The following DENND5A variants were observed in gnomAD, a reference collection of about 807,000 sequenced individuals.
The protein encoded by DENND5A is DENN domain containing 5A, also known as DENN domain-containing protein 5A.
Under a neutral mutation model 140.3 loss-of-function variants are expected in DENND5A, and 64 were observed. That is an observed-to-expected ratio of 0.46 (90% CI 0.37 to 0.56). The LOEUF (loss-of-function observed/expected upper bound fraction) is 0.56. DENND5A is among the 20% of genes least tolerant of loss of function. The pLI is 0.00. For synonymous variants in DENND5A, 605 were observed against 607.7 expected, an observed-to-expected ratio of 1.00 and a Z score of 0.07; for missense variants, 1,292 against 1,593.8, an observed-to-expected ratio of 0.81 and a Z score of 3.22.
At chr11:9,233,398 CAAAAA>C (rs1001576602) in intron 1 of DENND5A, among the ~76,000 whole-genome samples, 1 of 54,084 alleles carries the variant, frequency 1.8e-5, no homozygotes. Flanking sequence ...GACTCTGTCT[CAAAAA>C]AAAAAAAAAA....
At chr11:9,179,661 G>T (rs140665358) in intron 6 of DENND5A, among the ~76,000 whole-genome samples, 1 of 151,900 alleles carries the variant, frequency 6.6e-6, no homozygotes, top group East Asian at 1.9e-4. Context: ...CACCACGCCC[G>T]GCTAATTTTG....
In DENND5A at chr11:9,206,772, A is replaced by G; in HGVS notation, c.192T>C (p.Phe64=). The G allele has an allele frequency of 6.2e-7, 1 of 1,611,850 alleles. No homozygotes were observed. The change falls in exon 3 of 23, where the codon TTT becomes TTC. Residue 64 remains phenylalanine, a synonymous_variant. Coordinates refer to ENST00000328194, the MANE Select transcript of DENND5A (RefSeq NM_015213.4). ...ATGTTCTTCTCAATGGTGTCTGCTC[A>G]AAATTTTCTCCTGTAAGAAAAAGAA... is the stretch of plus-strand genomic sequence containing the variant. ...FISSTTEGEN[F]EQTPLRRTFK... is the part of the protein sequence containing the mutation.
rs181166754 is a variant in DENND5A, at chr11:9,170,865, A to G, written c.1907-88T>C. The G allele has an allele frequency of 3.2e-6, 5 of 1,563,536 alleles. No homozygotes were observed. In the East Asian group the frequency reaches 1.1e-4, roughly 35 times the overall value. ...CAAGTCAAACATTCTTTAAGAATCTAGCTACTCTTCCATTTCCAGCCAAGA... is the reference window on the plus strand; with the variant it reads ...CAAGTCAAACATTCTTTAAGAATCTGGCTACTCTTCCATTTCCAGCCAAGA... On this transcript the variant is annotated intron_variant, in intron 8 of 22. Coordinates refer to ENST00000328194, the MANE Select transcript of DENND5A (RefSeq NM_015213.4).
chr11:9,171,415 T>A (rs1301875586), intron 8 of DENND5A: 1 of 152,208 alleles, frequency 6.6e-6, no homozygotes, highest in Admixed American at 6.5e-5. Flanking sequence ...AATCACAGCC[T>A]AAAGGATGCT....
Position 9,265,204 on chromosome 11 carries a change from TG to T in DENND5A, c.-136del. 3.0e-6 allele frequency: 1 copy of T among 330,374 alleles called. No individual in the cohort carries two copies. Among genetic ancestry groups the T allele is most frequent in the Non-Finnish European group, 4.4e-6 (1 of 225,802 alleles). The allele number at this position is 330,374 out of a possible 1,614,324, so 20.5% of individuals were successfully genotyped here. On this transcript the variant is annotated 5_prime_UTR_variant, in exon 1 of 23. An upstream open reading frame in the 5' UTR loses its in-frame stop. Transcript: ENST00000328194. The surrounding 1 kb of genome is among the most constrained non-coding windows in gnomAD (Gnocchi z 4.7). ...CGGCTCGGGCCGCCGCCCCCGGCCCTGGCCCGGTCCCCTCGGCCGCCGCGGC... is the reference window on the plus strand; with the variant it reads ...CGGCTCGGGCCGCCGCCCCCGGCCCTGCCCGGTCCCCTCGGCCGCCGCGGC...
intron 1 of DENND5A, among the ~76,000 whole-genome samples, chr11:9,234,417 T>A (rs752671994): frequency 4.5e-4 from 69 of 151,846 alleles, no homozygotes; most frequent in Non-Finnish European, 8.8e-4. Flanking sequence ...TCTACTTGAG[T>A]AGTAGTCAAC....
At position 9,178,301 on chromosome 11, in the gene DENND5A, C is replaced by T; in HGVS notation, c.1737G>A (p.Gln579=). ...TGTTGTCAATGAAAGATGCAAACAT[C>T]TGGGTCTCCAGGAATCTTGAGAGGA... is the stretch of plus-strand genomic sequence containing the variant. The part of the protein sequence containing the change: ...LPFLSRFLET[Q]MFASFIDNKI... Residue 579 remains glutamine (Q), a synonymous_variant, in exon 8 of 23, where the codon CAG becomes CAA. Transcript: ENST00000328194. 1 of 1,614,064 alleles carries T rather than the reference C, an allele frequency of 6.2e-7. No individual in the cohort carries two copies. The highest frequency in any genetic ancestry group is 8.5e-7 in the Non-Finnish European group (1 of 1,179,980).
At chr11:9,207,338 T>A (rs1190332708) in intron 2 of DENND5A, 2 of 527,464 alleles carry the variant, frequency 3.8e-6, no homozygotes, top group East Asian at 6.5e-5. Context: ...GTTTTCCCAT[T>A]CCCCCTCCTA....
rs55921726 is a variant in DENND5A, at chr11:9,263,930, G to C, written c.109+1031C>G. 3.0e-3 allele frequency among the ~76,000 whole-genome samples: 452 copies of C among 151,372 alleles called. 4 individuals carry two copies. The highest frequency in any genetic ancestry group is 0.01 in the African/African-American group (428 of 41,232). ...AAACTGTCTTGTCATCGTTGAAGCC[G>C]AGTAAGATTAGTCAACAGGATAATC... On this transcript the variant is annotated intron_variant, in intron 1 of 22. Transcript: ENST00000328194.
chr11:9,255,488 T>C (rs1425968776), intron 1 of DENND5A, among the ~76,000 whole-genome samples: 1 of 152,086 alleles, frequency 6.6e-6, no homozygotes, highest in Non-Finnish European at 1.5e-5. Flanking sequence ...TCTCAGCACT[T>C]TGGGAGGTCG....
In DENND5A at chr11:9,265,075, C is replaced by G. The variant is rs1202705927; in HGVS notation, c.-6G>C. The stretch of plus-strand genomic sequence containing the variant: ...CCGCCGCCGCCGCCACTCATGGCGC[C>G]GGGGCCGAGACCGGCCGGGCAGTGC... On this transcript the variant is annotated 5_prime_UTR_variant, in exon 1 of 23. Coordinates refer to ENST00000328194, the MANE Select transcript of DENND5A (RefSeq NM_015213.4). The surrounding 1 kb of genome is among the most constrained non-coding windows in gnomAD (Gnocchi z 4.7). The G allele has an allele frequency of 1.3e-6, 2 of 1,519,850 alleles. No homozygotes were observed. The highest frequency in any genetic ancestry group is 4.0e-5 in the Admixed American group (2 of 49,388). 94.1% of individuals were successfully genotyped at this position (1,519,850 alleles called of 1,614,324 possible).
intron 1 of DENND5A, among the ~76,000 whole-genome samples, chr11:9,248,601 C>T (rs1356054045): frequency 6.6e-6 from 1 of 151,768 alleles, no homozygotes; most frequent in Non-Finnish European, 1.5e-5. Flanking sequence ...CTGAACTGCG[C>T]TGTGATTGAG....
intron 1 of DENND5A, among the ~76,000 whole-genome samples, chr11:9,244,391 C>A (rs917512252): frequency 4.0e-5 from 6 of 151,802 alleles, no homozygotes; most frequent in African/African-American, 1.5e-4. Flanking sequence ...TTTTTTGAGA[C>A]GGAGTTTCGC....
intron 1 of DENND5A, among the ~76,000 whole-genome samples, chr11:9,246,498 G>A (rs1430436479): frequency 6.6e-6 from 1 of 151,646 alleles, no homozygotes; most frequent in African/African-American, 2.4e-5. Context: ...TGTAGTCCCA[G>A]CTACTCAGGA....
Position 9,178,243 on chromosome 11 carries a change from G to C in DENND5A, c.1795C>G (p.Pro599Ala). 1 of 1,613,856 alleles carries C rather than the reference G, an allele frequency of 6.2e-7. No homozygotes were observed. The highest frequency in any genetic ancestry group is 8.5e-7 in the Non-Finnish European group (1 of 1,179,850). Residue 599 changes from proline (P) to alanine (A), a missense_variant, in exon 8 of 23, where the codon CCT (proline) becomes GCT (alanine). Transcript: ENST00000328194. ...IMCHDDDDKDPVLRVFDSRVD... is the reference protein window; with the variant it reads ...IMCHDDDDKDAVLRVFDSRVD... The stretch of plus-strand genomic sequence containing the variant: ...CGGGAATCAAATACCCGGAGTACAG[G>C]GTCTTTATCATCATCATCATGACAC...
chr11:9,167,476 A>T (rs1456596726), intron 10 of DENND5A, among the ~76,000 whole-genome samples: 1 of 100,876 alleles, frequency 9.9e-6, no homozygotes, highest in South Asian at 3.3e-4. Context: ...ATGAAAGATT[A>T]AAAAAAAAAA....
rs551764434 is a variant in DENND5A at position 9,185,099 on chromosome 11, G to A, written c.1138-4015C>T. ...CCAGCTACTTGGGAGGCTGAGGCAG[G>A]AGAATCATATGAACCCAGCAGGCGG... On this transcript the variant is annotated intron_variant, in intron 5 of 22. Transcript: ENST00000328194. Among the ~76,000 whole-genome samples the A allele has an allele frequency of 7.0e-4, 107 of 152,276 alleles. 2 individuals are homozygous for A. Among genetic ancestry groups the A allele is most frequent in the Middle Eastern group, 3.4e-3 (1 of 294 alleles).
At chr11:9,215,163 A>G (rs1237562565) in intron 1 of DENND5A, among the ~76,000 whole-genome samples, 1 of 152,028 alleles carries the variant, frequency 6.6e-6, no homozygotes, top group Non-Finnish European at 1.5e-5. Context: ...TTCTCAATAC[A>G]TTTACTTTGT....
In DENND5A at chr11:9,187,118, G is replaced by A. The variant is rs551298448; in HGVS notation, c.1138-6034C>T. On this transcript the variant is annotated intron_variant, in intron 5 of 22. Transcript: ENST00000328194. The stretch of plus-strand genomic sequence containing the variant: ...AAAGAGAAGAAAGAATTGAGCTAAA[G>A]GAGGGAGTGGTAAAAAAGCAAATTA... Among the ~76,000 whole-genome samples, 5 of 152,150 alleles carry A rather than the reference G, an allele frequency of 3.3e-5. No individual in the cohort carries two copies. The South Asian group carries it at 6.2e-4, about 19-fold the overall frequency.
Sources: gnomAD v4.1 joint callset for allele counts (sites outside exome capture counted in the v4.1 genomes callset) on GRCh38, gnomAD v4.1.1 for gene constraint, Gnocchi (gnomAD v3.1) non-coding constraint, MANE v1.5 for transcripts, NCBI Gene and HGNC (gene_info 2026-07-23, HGNC 2026-07-21) for gene names.